The following KHDRBS2 variants were observed in gnomAD, a reference collection of about 807,000 sequenced individuals.
KHDRBS2 encodes KH domain-containing, RNA-binding, signal transduction-associated protein 2.
In KHDRBS2, 26 loss-of-function variants were observed where a neutral mutation model predicts 44.3. The ratio of observed to expected loss-of-function variants is 0.59; its 90% CI spans 0.43 to 0.81. The LOEUF (loss-of-function observed/expected upper bound fraction) is 0.81. Among genes scored for constraint, KHDRBS2 ranks in the 40% least tolerant of loss-of-function variants. The probability of loss-of-function intolerance (pLI) is 0.00; values close to 1 mark genes in which losing one functional copy is unlikely to be tolerated. For synonymous variants in KHDRBS2, 194 were observed against 151.1 expected (o/e 1.28, Z -2.08); for missense variants, 476 against 433.1 (o/e 1.10, Z -0.88).
At chr6:62,052,184 T>C (rs144305930) in intron 2 of KHDRBS2, among the ~76,000 whole-genome samples, 3 of 152,176 alleles carry the variant, frequency 2.0e-5, no homozygotes, top group African/African-American at 7.2e-5. Flanking sequence ...ACCTGCACTT[T>C]AATGTTTATT....
At chr6:62,000,695 A>T (rs1478308841) in intron 3 of KHDRBS2, among the ~76,000 whole-genome samples, 1 of 152,164 alleles carries the variant, frequency 6.6e-6, no homozygotes, top group East Asian at 1.9e-4. Context: ...GGCACTTGGC[A>T]AGATTTATAC....
chr6:61,554,350 T>C, the KHDRBS2 span, among the ~76,000 whole-genome samples: 2 of 152,198 alleles, frequency 1.3e-5, no homozygotes, highest in South Asian at 4.1e-4. Context: ...CGGTTTCTCA[T>C]TTGCTTGGTA....
At chr6:62,089,162 G>A (rs1411374797) in intron 2 of KHDRBS2, among the ~76,000 whole-genome samples, 1 of 151,954 alleles carries the variant, frequency 6.6e-6, no homozygotes, top group East Asian at 1.9e-4. Flanking sequence ...TAGGCTCTGT[G>A]GGGGTGGGAT....
intron 6 of KHDRBS2, among the ~76,000 whole-genome samples, chr6:61,804,912 C>T (rs1390329036): frequency 6.6e-6 from 1 of 152,150 alleles, no homozygotes; most frequent in African/African-American, 2.4e-5. Context: ...GAGACATTTT[C>T]CCTATTGTCT....
chr6:61,872,621 T>C (rs577856233), intron 6 of KHDRBS2, among the ~76,000 whole-genome samples: 2 of 152,154 alleles, frequency 1.3e-5, no homozygotes, highest in South Asian at 4.2e-4. Context: ...GCTAAGTAAA[T>C]AGAGATATAG....
intron 6 of KHDRBS2, among the ~76,000 whole-genome samples, chr6:61,874,324 C>A (rs1018903153): frequency 6.6e-6 from 1 of 152,098 alleles, no homozygotes; most frequent in South Asian, 2.1e-4. Flanking sequence ...AAGTACCTCA[C>A]TTAGAACATT....
intron 6 of KHDRBS2, among the ~76,000 whole-genome samples, chr6:61,757,082 A>G (rs1192213307): frequency 6.6e-6 from 1 of 152,164 alleles, no homozygotes; most frequent in East Asian, 1.9e-4. Context: ...AGTTTATGGT[A>G]TGAGTTTGTT....
chr6:61,947,781 T>C (rs1813666352), intron 4 of KHDRBS2, among the ~76,000 whole-genome samples: 1 of 151,974 alleles, frequency 6.6e-6, no homozygotes. Flanking sequence ...TGAGTCATAA[T>C]GTGAAATGCA....
chr6:61,687,243 C>T (rs1766919361), intron 8 of KHDRBS2, among the ~76,000 whole-genome samples: 1 of 151,740 alleles, frequency 6.6e-6, no homozygotes, highest in South Asian at 2.1e-4. Flanking sequence ...CATTTGTCCT[C>T]TCAGAAAATT....
intron 1 of KHDRBS2, among the ~76,000 whole-genome samples, chr6:62,261,317 A>T (rs1176187138): frequency 1.3e-5 from 2 of 151,868 alleles, no homozygotes; most frequent in Non-Finnish European, 2.9e-5. Flanking sequence ...GGAACTACTT[A>T]ACAGTTCTGC....
At chr6:61,640,206 G>A in the KHDRBS2 span, among the ~76,000 whole-genome samples, 1 of 152,082 alleles carries the variant, frequency 6.6e-6, no homozygotes, top group African/African-American at 2.4e-5. Flanking sequence ...AAACTTGGCA[G>A]CATTTGCCAT....
intron 6 of KHDRBS2, among the ~76,000 whole-genome samples, chr6:61,748,017 G>A (rs1777108186): frequency 6.6e-6 from 1 of 152,138 alleles, no homozygotes; most frequent in Non-Finnish European, 1.5e-5. Flanking sequence ...TTGAGACAGA[G>A]TCTCACACTG....
chr6:62,101,650 G>C (rs1431615857), intron 2 of KHDRBS2, among the ~76,000 whole-genome samples: 1 of 152,212 alleles, frequency 6.6e-6, no homozygotes. Context: ...TGGAGCATGA[G>C]GGAAACAGGT....
the KHDRBS2 span, among the ~76,000 whole-genome samples, chr6:61,597,756 A>ATG: frequency 5.5e-5 from 3 of 54,256 alleles, no homozygotes; most frequent in South Asian, 1.5e-3. Context: ...ATATATATAT[A>ATG]TACATATATA....
At chr6:61,658,061 G>C in the KHDRBS2 span, among the ~76,000 whole-genome samples, 1 of 151,912 alleles carries the variant, frequency 6.6e-6, no homozygotes, top group East Asian at 2.0e-4. Context: ...ATTATGCATA[G>C]GCTAGTCCAC....
At chr6:61,564,225 T>C in the KHDRBS2 span, among the ~76,000 whole-genome samples, 1 of 152,138 alleles carries the variant, frequency 6.6e-6, no homozygotes, top group African/African-American at 2.4e-5. Flanking sequence ...ATGGGCATTT[T>C]ATTAAGCATC....
chr6:61,672,294 C>T, the KHDRBS2 span, among the ~76,000 whole-genome samples: 4 of 151,814 alleles, frequency 2.6e-5, no homozygotes, highest in African/African-American at 7.3e-5. Flanking sequence ...TGAATAATGC[C>T]GCAATAAACA....
the KHDRBS2 span, among the ~76,000 whole-genome samples, chr6:61,618,438 C>T: frequency 6.6e-6 from 1 of 152,052 alleles, no homozygotes; most frequent in Non-Finnish European, 1.5e-5. Context: ...CAATTACTAG[C>T]CTTTACTTAT....
At chr6:61,584,755 C>A in the KHDRBS2 span, among the ~76,000 whole-genome samples, 1 of 151,770 alleles carries the variant, frequency 6.6e-6, no homozygotes. Context: ...TATTTATTGA[C>A]CCTTAGTGAA....
Sources: allele counts gnomAD v4.1 joint callset (sites outside exome capture counted in the v4.1 genomes callset), GRCh38; gene constraint gnomAD v4.1.1; transcripts MANE v1.5; gene names NCBI Gene and HGNC (gene_info 2026-07-23, HGNC 2026-07-21).